The following GPBP1 variants were observed in gnomAD, a reference collection of about 807,000 sequenced individuals.
The protein encoded by GPBP1 is vasculin.
A neutral mutation model predicts 56.5 loss-of-function variants in GPBP1; 13 were observed. That is an observed-to-expected ratio of 0.23 (90% CI 0.15 to 0.37). The LOEUF (loss-of-function observed/expected upper bound fraction) is 0.37. GPBP1 is among the 10% of genes least tolerant of loss of function. The pLI is 1.00. For missense variants in GPBP1, 477 were observed against 572.3 expected (o/e 0.83, Z 1.70); for synonymous variants, 204 against 188.9 (o/e 1.08, Z -0.66).
intron 2 of GPBP1, among the ~76,000 whole-genome samples, chr5:57,202,578 C>G (rs758386117): frequency 6.6e-6 from 1 of 152,114 alleles, no homozygotes; most frequent in Non-Finnish European, 1.5e-5. Context: ...CATGAGCCAC[C>G]GTGCCCAGCA....
chr5:57,177,060 CAG>C (rs1296492556), intron 2 of GPBP1, among the ~76,000 whole-genome samples: 1 of 152,222 alleles, frequency 6.6e-6, no homozygotes, highest in South Asian at 2.1e-4. Context: ...ACCAGAAGCT[CAG>C]AGGAACTGAG....
At chr5:57,175,065 C>G (rs907587849) in intron 1 of GPBP1, among the ~76,000 whole-genome samples, 1 of 152,224 alleles carries the variant, frequency 6.6e-6, no homozygotes, top group Non-Finnish European at 1.5e-5. Context: ...CCTGTCTTCG[C>G]TTTCCTTGGT....
chr5:57,182,369 C>T (rs1336971617), intron 2 of GPBP1, among the ~76,000 whole-genome samples: 3 of 150,744 alleles, frequency 2.0e-5, no homozygotes, highest in African/African-American at 7.3e-5. Context: ...TAGCCATGAG[C>T]TTCTGTGCCT....
chr5:57,247,107 T>TA lies in GPBP1; in HGVS notation c.699dup (p.Val234SerfsTer8). 1 of 1,613,228 alleles carries TA rather than the reference T, an allele frequency of 6.2e-7. No homozygotes were observed. Among genetic ancestry groups the TA allele is most frequent in the Non-Finnish European group, 8.5e-7 (1 of 1,179,664 alleles). On this transcript the variant is annotated frameshift_variant, in exon 8 of 12. Coordinates refer to ENST00000506184, the MANE Select transcript of GPBP1 (RefSeq NM_022913.4). LOFTEE classifies it high-confidence loss of function. The stretch of plus-strand genomic sequence containing the variant: ...AATGGAAAAGCCAAACAAAAGAAAA[T>TA]AAAGTTGGAACTTCTTTCCCTCATG...
At chr5:57,185,258 C>CTTTTTTTTTTTTTTTTT (rs747214276) in intron 2 of GPBP1, among the ~76,000 whole-genome samples, 1 of 128,668 alleles carries the variant, frequency 7.8e-6, no homozygotes, top group African/African-American at 2.9e-5. Context: ...TTGGTTAGGT[C>CTTTTTTTTTTTTTTTTT]TTTTTTTTTT....
intron 6 of GPBP1, among the ~76,000 whole-genome samples, chr5:57,241,371 C>T (rs73127798): frequency 0.031 from 4,780 of 152,292 alleles, 261 homozygotes; most frequent in African/African-American, 0.11. Context: ...CTAATTCTTA[C>T]ATTCATAGGT....
At chr5:57,233,384 C>A (rs1283775920) in intron 5 of GPBP1, among the ~76,000 whole-genome samples, 2 of 152,206 alleles carry the variant, frequency 1.3e-5, no homozygotes, top group South Asian at 4.1e-4. Flanking sequence ...ATAATCATAA[C>A]ATTAAAATTT....
chr5:57,202,987 G>A (rs1335603258), intron 2 of GPBP1, among the ~76,000 whole-genome samples: 1 of 152,198 alleles, frequency 6.6e-6, no homozygotes, highest in Non-Finnish European at 1.5e-5. Flanking sequence ...TTCAGTTTGT[G>A]AGGAAAGAGA....
chr5:57,241,335 G>A (rs756863834), intron 6 of GPBP1, among the ~76,000 whole-genome samples: 11 of 152,128 alleles, frequency 7.2e-5, no homozygotes, highest in Non-Finnish European at 1.3e-4. Flanking sequence ...CCAGTTCCCC[G>A]TCATCACTGC....
rs1264825970 is a variant in GPBP1 at position 57,262,909 on chromosome 5, T to C, written c.*157T>C. On this transcript the variant is annotated 3_prime_UTR_variant, in exon 12 of 12. Transcript: ENST00000506184. The stretch of plus-strand genomic sequence containing the variant: ...CAATATGAAGAAAACCAAGAATGTT[T>C]TGTTGGGCTGTGTTGAACATTATTT... 1 of 608,416 alleles carries C rather than the reference T, an allele frequency of 1.6e-6. No homozygotes were observed. The highest frequency in any genetic ancestry group is 2.8e-5 in the East Asian group (1 of 35,168). The allele number at this position is 608,416 out of a possible 1,614,324, so 37.7% of individuals were successfully genotyped here.
intron 3 of GPBP1, 70 bp downstream of exon 3, chr5:57,214,263 C>A: frequency 1.6e-6 from 2 of 1,250,684 alleles, no homozygotes; most frequent in South Asian, 1.2e-5. Context: ...GTAATTAAGT[C>A]ATGGAGGAGT....
intron 3 of GPBP1, among the ~76,000 whole-genome samples, chr5:57,229,123 C>T (rs560047207): frequency 6.6e-6 from 1 of 151,002 alleles, no homozygotes; most frequent in South Asian, 2.1e-4. Context: ...CCCAGCTGCT[C>T]ACGAGGCTGA....
intron 1 of GPBP1, among the ~76,000 whole-genome samples, chr5:57,174,518 TC>T (rs1480588839): frequency 6.6e-6 from 1 of 152,192 alleles, no homozygotes; most frequent in Non-Finnish European, 1.5e-5. Context: ...TCCGACGCTC[TC>T]AGTGCTCGGC....
intron 2 of GPBP1, among the ~76,000 whole-genome samples, chr5:57,188,297 T>C (rs1020549527): frequency 6.6e-6 from 1 of 151,958 alleles, no homozygotes; most frequent in African/African-American, 2.4e-5. Flanking sequence ...ATAATACTTG[T>C]GTAATTTGTG....
chr5:57,253,674 T>C (rs1215384376), intron 10 of GPBP1, among the ~76,000 whole-genome samples: 1 of 152,206 alleles, frequency 6.6e-6, no homozygotes, highest in Non-Finnish European at 1.5e-5. Flanking sequence ...AAATCTGTAG[T>C]TTTTTTGAGG....
Position 57,249,478 on chromosome 5 carries a change from C to T in GPBP1, c.874C>T (p.Arg292Ter). The stretch of plus-strand genomic sequence containing the variant: ...GCAGCCTCGTCTAACCAAACTGACA[C>T]GAATGCGCACTGATAAGAAGAGTGA... ...NQQPRLTKLT[R>*]MRTDKKSEFL... is the part of the protein sequence containing the mutation. The change falls in exon 9 of 12, where the codon CGA (arginine) becomes TGA (stop). Residue 292 changes from arginine (R) to a stop codon, truncating the protein, a stop_gained. Coordinates refer to ENST00000506184, the MANE Select transcript of GPBP1 (RefSeq NM_022913.4). LOFTEE classifies it high-confidence loss of function. The T allele has an allele frequency of 1.2e-6, 2 of 1,611,630 alleles. No homozygotes were observed. Among genetic ancestry groups the T allele is most frequent in the Non-Finnish European group, 8.5e-7 (1 of 1,178,876 alleles).
At chr5:57,175,020 C>CT (rs1382897731) in intron 1 of GPBP1, among the ~76,000 whole-genome samples, 1 of 152,212 alleles carries the variant, frequency 6.6e-6, no homozygotes, top group African/African-American at 2.4e-5. Flanking sequence ...ACACTTATCT[C>CT]TGAGTTACAT....
chr5:57,179,638 C>T (rs1753953475), intron 2 of GPBP1, among the ~76,000 whole-genome samples: 1 of 151,982 alleles, frequency 6.6e-6, no homozygotes, highest in Non-Finnish European at 1.5e-5. Flanking sequence ...GCAGTTGTTG[C>T]TGAGGGTGGA....
intron 10 of GPBP1, among the ~76,000 whole-genome samples, chr5:57,258,854 T>G (rs1741774837): frequency 6.6e-6 from 1 of 152,200 alleles, no homozygotes; most frequent in Admixed American, 6.5e-5. Flanking sequence ...ATACTTGCCT[T>G]CTGTTATATT....
Sources: allele counts gnomAD v4.1 joint callset (sites outside exome capture counted in the v4.1 genomes callset), GRCh38; gene constraint gnomAD v4.1.1; transcripts MANE v1.5; gene names NCBI Gene and HGNC (gene_info 2026-07-23, HGNC 2026-07-21).